Variants in PCBP3 observed in about 807,000 individuals in gnomAD.
PCBP3 encodes the protein poly(rC)-binding protein 3.
Under a neutral mutation model 52.7 loss-of-function variants are expected in PCBP3, and 25 were observed. That is an observed-to-expected ratio of 0.47 (90% CI 0.35 to 0.66). The LOEUF (loss-of-function observed/expected upper bound fraction) is 0.66, where lower values mean the gene tolerates loss of function less well. PCBP3 is among the 30% of genes least tolerant of loss of function. The pLI, the probability that PCBP3 is intolerant of heterozygous loss-of-function variation, is 0.01. For missense variants in PCBP3, 391 were observed against 490.3 expected (o/e 0.80, Z 1.91); for synonymous variants, 162 against 183.0 (o/e 0.89, Z 0.93).
chr21:45,653,600 T>C (rs142835950), intron 1 of PCBP3, among the ~76,000 whole-genome samples: 332 of 152,314 alleles, frequency 2.2e-3, no homozygotes, highest in Non-Finnish European at 3.1e-3. Flanking sequence ...TTTTATCTTA[T>C]TCTCAACCTT....
In PCBP3 at chr21:45,914,147, C is replaced by T. The variant is rs548655192; in HGVS notation, c.675+122C>T. On this transcript the variant is annotated intron_variant, in intron 12 of 17. Transcript: ENST00000681687. ...CTCACGTGCACGTCTCCCACCCGTG[C>T]TGGAGGCAGAGCTCTTCCACCTACA... 1.3e-4 allele frequency: 196 copies of T among 1,529,972 alleles called. 3 individuals are homozygous for T. The Middle Eastern group carries it at 2.0e-3, about 16-fold the overall frequency. 94.8% of individuals were successfully genotyped at this position (1,529,972 alleles called of 1,614,324 possible). A position where few individuals can be genotyped will look rare whatever the true frequency, so the allele number is the denominator to read the frequency against.
At chr21:45,659,596 C>A (rs184000498) in intron 1 of PCBP3, among the ~76,000 whole-genome samples, 1 of 152,128 alleles carries the variant, frequency 6.6e-6, no homozygotes, top group Non-Finnish European at 1.5e-5. Context: ...AGCAGTCCTC[C>A]CGCTATGGCC....
intron 5 of PCBP3, among the ~76,000 whole-genome samples, chr21:45,865,119 A>T (rs1159019231): frequency 6.6e-6 from 1 of 152,222 alleles, no homozygotes; most frequent in African/African-American, 2.4e-5. Context: ...CATATTTATG[A>T]TTATAAATGC....
intron 2 of PCBP3, among the ~76,000 whole-genome samples, chr21:45,676,381 A>G (rs2081465038): frequency 6.6e-6 from 1 of 151,934 alleles, no homozygotes; most frequent in Non-Finnish European, 1.5e-5. Context: ...TTTTTTTTAA[A>G]CAAATTTAAG....
chr21:45,739,594 C>G (rs1213338643), intron 3 of PCBP3, among the ~76,000 whole-genome samples: 1 of 101,228 alleles, frequency 9.9e-6, no homozygotes, highest in East Asian at 3.1e-4. Context: ...GTGCCCCCCC[C>G]CATCTTCATC....
At chr21:45,869,467 G>A (rs1052308232) in intron 5 of PCBP3, 3 of 152,508 alleles carry the variant, frequency 2.0e-5, no homozygotes, top group African/African-American at 4.8e-5. Context: ...ACTGTGACCC[G>A]AGGTCAGCAG....
chr21:45,834,823 C>T (rs1047040824), intron 4 of PCBP3, among the ~76,000 whole-genome samples: 6 of 152,234 alleles, frequency 3.9e-5, no homozygotes, highest in African/African-American at 1.2e-4. Flanking sequence ...TCCGAGTTCA[C>T]CTGGCACGCT....
intron 9 of PCBP3, among the ~76,000 whole-genome samples, chr21:45,902,047 G>A (rs1164848623): frequency 2.6e-5 from 4 of 152,230 alleles, no homozygotes; most frequent in Non-Finnish European, 5.9e-5. Context: ...GGCAGGAGGG[G>A]GAGCTTGGGA....
intron 1 of PCBP3, among the ~76,000 whole-genome samples, chr21:45,660,464 A>G (rs1360797209): frequency 6.6e-6 from 1 of 152,186 alleles, no homozygotes; most frequent in Non-Finnish European, 1.5e-5. Context: ...ATTTAATGCA[A>G]TTTTGACAAG....
intron 4 of PCBP3, among the ~76,000 whole-genome samples, chr21:45,811,663 G>C (rs1389906580): frequency 1.3e-5 from 2 of 152,128 alleles, no homozygotes; most frequent in Non-Finnish European, 2.9e-5. Context: ...GCTTTGTCTG[G>C]TATTGAGACA....
chr21:45,665,362 C>G (rs976765341), intron 1 of PCBP3, among the ~76,000 whole-genome samples: 2 of 152,054 alleles, frequency 1.3e-5, no homozygotes, highest in African/African-American at 4.8e-5. Context: ...GAGCCTTGAT[C>G]ACACCATTGC....
At chr21:45,933,667 A>G (rs2076563088) in intron 15 of PCBP3, among the ~76,000 whole-genome samples, 1 of 152,388 alleles carries the variant, frequency 6.6e-6, no homozygotes, top group South Asian at 2.1e-4. Context: ...AGGCTTATAT[A>G]TGCAAAGGAA....
At chr21:45,709,651 T>C (rs554642037) in intron 2 of PCBP3, among the ~76,000 whole-genome samples, 2 of 152,350 alleles carry the variant, frequency 1.3e-5, no homozygotes, top group East Asian at 3.9e-4. Flanking sequence ...AGAGAATCTT[T>C]GTAAACCCCA....
intron 4 of PCBP3, among the ~76,000 whole-genome samples, chr21:45,822,118 C>T (rs556043877): frequency 1.3e-5 from 2 of 152,202 alleles, no homozygotes; most frequent in African/African-American, 4.8e-5. Context: ...CACCCATAGC[C>T]TCCGGTATCT....
At chr21:45,923,717 G>C (rs1569501664) in intron 13 of PCBP3, among the ~76,000 whole-genome samples, 1 of 152,228 alleles carries the variant, frequency 6.6e-6, no homozygotes, top group Non-Finnish European at 1.5e-5. Context: ...CAAAATTAGA[G>C]AAACCATCAA....
In PCBP3 at chr21:45,932,983, G is replaced by A. The variant is rs535445272; in HGVS notation, c.856+2138G>A. On this transcript the variant is annotated intron_variant, in intron 15 of 17. Coordinates refer to ENST00000681687, the MANE Select transcript of PCBP3 (RefSeq NM_001384156.1). ...GATGAGTGAACACCTGGGCCATGCC[G>A]TTCTGAGATGAATGAACACATCGGC... is the stretch of plus-strand genomic sequence containing the variant. Among the ~76,000 whole-genome samples the A allele has an allele frequency of 1.3e-4, 20 of 151,372 alleles. No homozygotes were observed. The South Asian group carries it at 2.3e-3, about 17-fold the overall frequency.
chr21:45,823,416 T>C (rs181814309), intron 4 of PCBP3, among the ~76,000 whole-genome samples: 64 of 152,334 alleles, frequency 4.2e-4, no homozygotes, highest in African/African-American at 1.5e-3. Context: ...GGTCTCTTCA[T>C]GAGTGGAAAG....
At chr21:45,938,024 G>C (rs1344892875) in intron 16 of PCBP3, among the ~76,000 whole-genome samples, 2 of 152,248 alleles carry the variant, frequency 1.3e-5, no homozygotes, top group Non-Finnish European at 2.9e-5. Flanking sequence ...ACCCTGAGCA[G>C]CACATTGCAG....
intron 4 of PCBP3, chr21:45,836,206 C>G (rs1353485482): frequency 6.6e-6 from 1 of 152,196 alleles, no homozygotes; most frequent in Non-Finnish European, 1.5e-5. Context: ...TGGACCCCTT[C>G]CTGGTACCTC....
Sources: gnomAD v4.1 joint callset for allele counts (sites outside exome capture counted in the v4.1 genomes callset) on GRCh38, gnomAD v4.1.1 for gene constraint, MANE v1.5 for transcripts, NCBI Gene and HGNC (gene_info 2026-07-23, HGNC 2026-07-21) for gene names.